The following FAM222A variants were observed in gnomAD, a reference collection of about 807,000 sequenced individuals.
FAM222A encodes the protein protein FAM222A.
A neutral mutation model predicts 25.8 loss-of-function variants in FAM222A; 7 were observed. The ratio of observed to expected loss-of-function variants is 0.27; its 90% CI spans 0.15 to 0.51. The LOEUF (loss-of-function observed/expected upper bound fraction) is 0.51, where lower values mean the gene tolerates loss of function less well. FAM222A is among the 20% of genes least tolerant of loss of function. The pLI, the probability that FAM222A is intolerant of heterozygous loss-of-function variation, is 0.97. For missense variants in FAM222A, 573 were observed against 640.5 expected (o/e 0.89, Z 1.14); for synonymous variants, 294 against 298.8 (o/e 0.98, Z 0.17).
chr12:109,761,750 G>T (rs1235816378), intron 2 of FAM222A, among the ~76,000 whole-genome samples: 1 of 152,148 alleles, frequency 6.6e-6, no homozygotes, highest in Non-Finnish European at 1.5e-5. Flanking sequence ...CCTGGAGCTG[G>T]CAGTTGGGCA....
chr12:109,741,811 C>T (rs1173783490), intron 1 of FAM222A, among the ~76,000 whole-genome samples: 1 of 152,190 alleles, frequency 6.6e-6, no homozygotes, highest in African/African-American at 2.4e-5. Flanking sequence ...AGCCTTCCAG[C>T]CCAGGTTTCC....
At chr12:109,731,508 G>A (rs1236403222) in intron 1 of FAM222A, among the ~76,000 whole-genome samples, 1 of 152,208 alleles carries the variant, frequency 6.6e-6, no homozygotes, top group Admixed American at 6.5e-5. Flanking sequence ...ACACTCAAGA[G>A]AAGGGCTTCC....
rs868520436 is a variant in FAM222A, at chr12:109,744,421, C to T, written c.82+193C>T. 5.1e-6 allele frequency: 5 copies of T among 985,354 alleles called. No homozygotes were observed. The South Asian group carries it at 1.4e-4, about 28-fold the overall frequency. The allele number at this position is 985,354 out of a possible 1,614,324, so 61.0% of individuals were successfully genotyped here. A position where few individuals can be genotyped will look rare whatever the true frequency, so the allele number is the denominator to read the frequency against. On this transcript the variant is annotated intron_variant, in intron 2 of 2. Coordinates refer to ENST00000538780, the MANE Select transcript of FAM222A (RefSeq NM_032829.3). ...ATGACACCCACTCCTTTGGCCAGCT[C>T]CTGTGGAGCAAGACTCTCAACTCTG... is the stretch of plus-strand genomic sequence containing the variant.
intron 2 of FAM222A, 36 bp from the exon 3 acceptor site, chr12:109,767,976 T>G: frequency 6.3e-7 from 1 of 1,593,308 alleles, no homozygotes; most frequent in Non-Finnish European, 8.6e-7. Context: ...TGGCATGGCC[T>G]CCTGATGGGC....
intron 1 of FAM222A, among the ~76,000 whole-genome samples, chr12:109,737,331 C>T (rs1250617944): frequency 1.3e-5 from 2 of 152,100 alleles, no homozygotes; most frequent in Non-Finnish European, 2.9e-5. Flanking sequence ...TTGGTCTCCC[C>T]TTTGGCTCAG....
At chr12:109,743,029 T>G (rs1888287917) in intron 1 of FAM222A, among the ~76,000 whole-genome samples, 1 of 152,078 alleles carries the variant, frequency 6.6e-6, no homozygotes, top group Non-Finnish European at 1.5e-5. Flanking sequence ...ACATGAAGAT[T>G]GAGGTGATCC....
intron 1 of FAM222A, among the ~76,000 whole-genome samples, chr12:109,729,702 C>G (rs1887908519): frequency 6.6e-6 from 1 of 152,276 alleles, no homozygotes; most frequent in Non-Finnish European, 1.5e-5. Flanking sequence ...GCGCCGCCAC[C>G]CCCGCTCCCT....
At chr12:109,764,238 G>C (rs1340179006) in intron 2 of FAM222A, among the ~76,000 whole-genome samples, 4 of 30,840 alleles carry the variant, frequency 1.3e-4, no homozygotes, top group African/African-American at 4.4e-4. Flanking sequence ...AAAAAAAAAA[G>C]CCATGGCCCT....
chr12:109,749,588 T>A (rs1888504335), intron 2 of FAM222A, among the ~76,000 whole-genome samples: 1 of 152,200 alleles, frequency 6.6e-6, no homozygotes, highest in Non-Finnish European at 1.5e-5. Flanking sequence ...CAGGATTCAG[T>A]TTGGTGTATA....
intron 1 of FAM222A, among the ~76,000 whole-genome samples, chr12:109,741,230 G>A (rs1229355628): frequency 1.3e-5 from 2 of 152,202 alleles, no homozygotes; most frequent in Non-Finnish European, 2.9e-5. Flanking sequence ...GTTCCTGGGA[G>A]AATGGGCAGT....
chr12:109,765,360 C>T (rs12305477), intron 2 of FAM222A, among the ~76,000 whole-genome samples: 71 of 152,328 alleles, frequency 4.7e-4, no homozygotes, highest in African/African-American at 1.5e-3. Flanking sequence ...CAGAGTGCCC[C>T]GTGCAGTGAG....
intron 2 of FAM222A, among the ~76,000 whole-genome samples, chr12:109,748,337 T>TC (rs1227509014): frequency 1.9e-5 from 2 of 105,300 alleles, no homozygotes; most frequent in East Asian, 4.1e-4. Flanking sequence ...TTTCTTTCTT[T>TC]TTTTTTTTTT....
intron 2 of FAM222A, among the ~76,000 whole-genome samples, chr12:109,753,559 CG>C (rs200302927): frequency 0.16 from 23,331 of 150,260 alleles, 1,993 homozygotes; most frequent in East Asian, 0.31. Flanking sequence ...CCCCCCATCC[CG>C]GGGGGGGGAG....
intron 1 of FAM222A, among the ~76,000 whole-genome samples, chr12:109,733,505 G>A (rs539026169): frequency 5.5e-4 from 84 of 151,894 alleles, no homozygotes; most frequent in Middle Eastern, 3.4e-3. Flanking sequence ...CCGGGTTCAC[G>A]CCATTCTCCT....
At chr12:109,726,365 C>T (rs1388162161) in intron 1 of FAM222A, among the ~76,000 whole-genome samples, 1 of 152,120 alleles carries the variant, frequency 6.6e-6, no homozygotes. Context: ...TTTGTTTTCC[C>T]ATTTGGTTGC....
At chr12:109,740,740 C>T (rs969600581) in intron 1 of FAM222A, among the ~76,000 whole-genome samples, 3 of 152,192 alleles carry the variant, frequency 2.0e-5, no homozygotes, top group Non-Finnish European at 4.4e-5. Context: ...ATTACTCTTG[C>T]CAGGCACTGG....
chr12:109,748,950 AAGG>A (rs977044686), intron 2 of FAM222A, among the ~76,000 whole-genome samples: 7 of 152,290 alleles, frequency 4.6e-5, no homozygotes, highest in African/African-American at 1.7e-4. Context: ...TTTTTTAAAA[AAGG>A]AGAAATTCAG....
chr12:109,740,963 G>A (rs756839533), intron 1 of FAM222A, among the ~76,000 whole-genome samples: 11 of 152,232 alleles, frequency 7.2e-5, no homozygotes, highest in East Asian at 1.9e-4. Flanking sequence ...ACCAGCAGGG[G>A]CAGAGGTCTG....
chr12:109,740,888 GA>G (rs1566190228), intron 1 of FAM222A, among the ~76,000 whole-genome samples: 1 of 152,212 alleles, frequency 6.6e-6, no homozygotes, highest in African/African-American at 2.4e-5. Flanking sequence ...AGGGAAGGGT[GA>G]GCCAGGGTCT....
Sources: allele counts gnomAD v4.1 joint callset (sites outside exome capture counted in the v4.1 genomes callset), GRCh38; gene constraint gnomAD v4.1.1; transcripts MANE v1.5; gene names NCBI Gene and HGNC (gene_info 2026-07-23, HGNC 2026-07-21).